The following MAGI2 variants were observed in gnomAD, a reference collection of about 807,000 sequenced individuals.
MAGI2 encodes the protein membrane associated guanylate kinase, WW and PDZ domain containing 2, also known as membrane-associated guanylate kinase, WW and PDZ domain-containing protein 2.
MAGI2 carries 35 observed loss-of-function variants against 133.3 expected under a neutral mutation model. The observed-to-expected ratio is 0.26, with a 90% CI of 0.20 to 0.35. The LOEUF is 0.35. MAGI2 is among the 10% of genes least tolerant of loss of function. MAGI2 has a pLI of 1.00. For missense variants in MAGI2, 1,636 were observed against 1,863.4 expected, an observed-to-expected ratio of 0.88 and a Z score of 2.25; for synonymous variants, 729 against 710.6, an observed-to-expected ratio of 1.03 and a Z score of -0.41.
intron 3 of MAGI2, among the ~76,000 whole-genome samples, chr7:78,588,187 C>T (rs1803618114): frequency 6.6e-6 from 1 of 152,172 alleles, no homozygotes; most frequent in African/African-American, 2.4e-5. Context: ...TTCTCTCCAC[C>T]CGACACTTTA....
At chr7:79,262,558 G>GA (rs1408568072) in intron 1 of MAGI2, among the ~76,000 whole-genome samples, 1 of 152,050 alleles carries the variant, frequency 6.6e-6, no homozygotes, top group African/African-American at 2.4e-5. Flanking sequence ...ATTACAATGA[G>GA]AAAAAAAGTA....
chr7:79,244,344 G>A (rs2129555230), intron 1 of MAGI2, among the ~76,000 whole-genome samples: 1 of 152,314 alleles, frequency 6.6e-6, no homozygotes, highest in Non-Finnish European at 1.5e-5. Flanking sequence ...ATCACTGCAA[G>A]AGGCACAGAA....
intron 1 of MAGI2, among the ~76,000 whole-genome samples, chr7:79,407,079 A>G (rs927674390): frequency 6.6e-6 from 1 of 152,160 alleles, no homozygotes; most frequent in East Asian, 1.9e-4. Flanking sequence ...AAAAACACAT[A>G]CATTTTACTA....
At chr7:79,431,601 T>G (rs1847781930) in intron 1 of MAGI2, among the ~76,000 whole-genome samples, 1 of 152,184 alleles carries the variant, frequency 6.6e-6, no homozygotes, top group Non-Finnish European at 1.5e-5. Flanking sequence ...TTATAATTCT[T>G]CTAAATGTTT....
chr7:78,521,348 TCTTA>T, intron 4 of MAGI2, 78 bp downstream of exon 4: 3 of 944,182 alleles, frequency 3.2e-6, no homozygotes, highest in Non-Finnish European at 5.1e-6. Context: ...TGTATATATA[TCTTA>T]CTGTGTATAT....
At chr7:79,241,502 C>T (rs1358675987) in intron 1 of MAGI2, among the ~76,000 whole-genome samples, 1 of 151,968 alleles carries the variant, frequency 6.6e-6, no homozygotes, top group Non-Finnish European at 1.5e-5. Flanking sequence ...ATAATAGTCT[C>T]TTCCTCCCTT....
intron 1 of MAGI2, among the ~76,000 whole-genome samples, chr7:79,174,547 A>T (rs1453360310): frequency 6.6e-6 from 1 of 151,918 alleles, no homozygotes; most frequent in African/African-American, 2.4e-5. Flanking sequence ...TGTAAAGAGA[A>T]CTTGGCAATC....
chr7:78,964,076 G>C (rs552907196), intron 2 of MAGI2, among the ~76,000 whole-genome samples: 1 of 151,688 alleles, frequency 6.6e-6, no homozygotes, highest in Non-Finnish European at 1.5e-5. Flanking sequence ...CTGAGGGAAG[G>C]GTTATTTAGT....
At chr7:79,343,632 T>A (rs1841077265) in intron 1 of MAGI2, among the ~76,000 whole-genome samples, 2 of 152,140 alleles carry the variant, frequency 1.3e-5, no homozygotes, top group Non-Finnish European at 2.9e-5. Flanking sequence ...TAAAAAAATA[T>A]TAAACTGAAA....
chr7:79,375,668 T>C (rs1480542958), intron 1 of MAGI2, among the ~76,000 whole-genome samples: 2 of 151,858 alleles, frequency 1.3e-5, no homozygotes, highest in African/African-American at 4.8e-5. Flanking sequence ...ATAATTCAAA[T>C]GAACTTCAAT....
chr7:79,101,681 G>A (rs1000171267), intron 1 of MAGI2, among the ~76,000 whole-genome samples: 39 of 134,940 alleles, frequency 2.9e-4, no homozygotes, highest in Non-Finnish European at 5.0e-4. Context: ...CCGAGATCGC[G>A]CCACCGCACT....
At chr7:79,244,458 G>A (rs1180829332) in intron 1 of MAGI2, among the ~76,000 whole-genome samples, 1 of 152,184 alleles carries the variant, frequency 6.6e-6, no homozygotes, top group Non-Finnish European at 1.5e-5. Flanking sequence ...GGGAGGGAGA[G>A]TGCAGTGATT....
At chr7:78,120,021 A>G (rs1175828994) in intron 20 of MAGI2, among the ~76,000 whole-genome samples, 2 of 152,364 alleles carry the variant, frequency 1.3e-5, no homozygotes, top group Non-Finnish European at 1.5e-5. Context: ...GTTCATGGAA[A>G]GACTCGATAT....
intron 2 of MAGI2, among the ~76,000 whole-genome samples, chr7:78,632,932 A>G (rs1809175875): frequency 6.6e-6 from 1 of 152,230 alleles, no homozygotes; most frequent in African/African-American, 2.4e-5. Context: ...TACTGTAAAG[A>G]CACGTGCACA....
At chr7:78,251,623 A>G (rs1056729558) in intron 10 of MAGI2, 1 of 152,238 alleles carries the variant, frequency 6.6e-6, no homozygotes, top group African/African-American at 2.4e-5. Flanking sequence ...TGACAATAAC[A>G]TCAACAAGAA....
At chr7:78,026,859 A>G (rs1252727444) in intron 21 of MAGI2, among the ~76,000 whole-genome samples, 1 of 152,202 alleles carries the variant, frequency 6.6e-6, no homozygotes, top group Non-Finnish European at 1.5e-5. Flanking sequence ...AGTGGTCAGG[A>G]AGATAATAGA....
chr7:78,901,823 G>C (rs1797639737), intron 2 of MAGI2, among the ~76,000 whole-genome samples: 1 of 152,074 alleles, frequency 6.6e-6, no homozygotes, highest in South Asian at 2.1e-4. Flanking sequence ...GCAATTCTTT[G>C]ACAGAAAAAT....
At chr7:79,213,229 T>G (rs1829655879) in intron 1 of MAGI2, among the ~76,000 whole-genome samples, 1 of 151,844 alleles carries the variant, frequency 6.6e-6, no homozygotes, top group Non-Finnish European at 1.5e-5. Context: ...TATATATGTG[T>G]GTGTGTGTGT....
intron 1 of MAGI2, among the ~76,000 whole-genome samples, chr7:79,311,990 A>G (rs1838327359): frequency 6.6e-6 from 1 of 152,188 alleles, no homozygotes; most frequent in Admixed American, 6.5e-5. Context: ...CTAACATCCC[A>G]GTCTAAACCT....
Sources: gnomAD v4.1 joint callset for allele counts (sites outside exome capture counted in the v4.1 genomes callset) on GRCh38, gnomAD v4.1.1 for gene constraint, MANE v1.5 for transcripts, NCBI Gene and HGNC (gene_info 2026-07-23, HGNC 2026-07-21) for gene names.